Variants in BEND4 observed in about 807,000 individuals in gnomAD.
The protein encoded by BEND4 is BEN domain containing 4.
BEND4 carries 27 observed loss-of-function variants against 54.7 expected under a neutral mutation model. That is an observed-to-expected ratio of 0.49 (90% CI 0.36 to 0.68). The LOEUF (loss-of-function observed/expected upper bound fraction) is 0.68, where lower values mean the gene tolerates loss of function less well. BEND4 is among the 30% of genes least tolerant of loss of function. The pLI is 0.00. For missense variants in BEND4, 702 were observed against 697.2 expected (o/e 1.01, Z -0.08); for synonymous variants, 327 against 299.5 (o/e 1.09, Z -0.95).
intron 3 of BEND4, among the ~76,000 whole-genome samples, chr4:42,128,258 C>T (rs1720361318): frequency 1.3e-5 from 2 of 152,204 alleles, no homozygotes; most frequent in Non-Finnish European, 2.9e-5. Flanking sequence ...TGTGCAAAAG[C>T]TGGAAGCGTT....
chr4:42,138,521 C>T (rs1005531797), intron 3 of BEND4, among the ~76,000 whole-genome samples: 1 of 152,118 alleles, frequency 6.6e-6, no homozygotes, highest in Non-Finnish European at 1.5e-5. Context: ...ATGAGGAATA[C>T]ACGTGACAAA....
intron 3 of BEND4, among the ~76,000 whole-genome samples, chr4:42,136,729 G>A (rs1577760198): frequency 6.6e-6 from 1 of 152,198 alleles, no homozygotes; most frequent in African/African-American, 2.4e-5. Context: ...CCCAGTTGTA[G>A]CACTGAAGTG....
At chr4:42,127,962 A>G (rs1237343009) in intron 3 of BEND4, among the ~76,000 whole-genome samples, 1 of 152,052 alleles carries the variant, frequency 6.6e-6, no homozygotes, top group Non-Finnish European at 1.5e-5. Flanking sequence ...CAGGAGATTG[A>G]GACTAGCCTC....
chr4:42,142,172 C>T (rs1268857951), intron 3 of BEND4, among the ~76,000 whole-genome samples: 2 of 150,908 alleles, frequency 1.3e-5, no homozygotes, highest in African/African-American at 4.9e-5. Flanking sequence ...TCCCAAAGTG[C>T]TGGGATTACA....
Position 42,143,589 on chromosome 4 carries a change from G to A in BEND4, c.893C>T (p.Thr298Met), listed in dbSNP as rs1386784441. The A allele has an allele frequency of 1.4e-5, 23 of 1,589,542 alleles. No individual in the cohort carries two copies. The highest frequency in any genetic ancestry group is 1.6e-5 in the Non-Finnish European group (19 of 1,167,774). Residue 298 changes from threonine (T) to methionine (M), a missense_variant, in exon 3 of 6, where the codon ACG becomes ATG. By Grantham distance (81) the Thr-to-Met change is moderately conservative. Coordinates refer to ENST00000502486, the MANE Select transcript of BEND4 (RefSeq NM_207406.4). ...AGATGGGTGGCCATGGGATTCGGAC[G>A]TTGCTGGGGAAGTCCAGCCACCTAA... The part of the protein sequence containing the change: ...HTLGGWTSPA[T>M]SESHGHPSSS...
At chr4:42,149,861 A>G (rs1721201174) in intron 2 of BEND4, among the ~76,000 whole-genome samples, 1 of 152,196 alleles carries the variant, frequency 6.6e-6, no homozygotes. Flanking sequence ...AAAACTATGG[A>G]TGAAAATGGA....
rs901459706 is a variant in BEND4, at chr4:42,152,198, G to A, written c.-55C>T. On this transcript the variant is annotated 5_prime_UTR_variant, in exon 2 of 6. Transcript: ENST00000502486. ...ACGTCCCCTCCCCGCCGGGCGCCGG[G>A]CTCCGAGGGTGCCTCCGCCGCCTGC... 3.9e-5 allele frequency: 48 copies of A among 1,233,118 alleles called. No homozygotes were observed. Among genetic ancestry groups the A allele is most frequent in the Non-Finnish European group, 3.0e-5 (29 of 981,434 alleles). The allele number at this position is 1,233,118 out of a possible 1,614,324, so 76.4% of individuals were successfully genotyped here.
At chr4:42,148,105 A>C (rs1721141041) in intron 2 of BEND4, among the ~76,000 whole-genome samples, 1 of 152,114 alleles carries the variant, frequency 6.6e-6, no homozygotes, top group African/African-American at 2.4e-5. Flanking sequence ...ACGATTTCTA[A>C]CTAGTTCAAA....
In BEND4 at chr4:42,112,618, T is replaced by C. The variant is rs1719618387; in HGVS notation, c.*4900A>G. Reference sequence around the variant, plus strand: ...CCATTACTGCAAATACTTGGTAATTTAGTGCCTTCAGAAGTCAAATTAACC... The same window carrying C: ...CCATTACTGCAAATACTTGGTAATTCAGTGCCTTCAGAAGTCAAATTAACC... On this transcript the variant is annotated 3_prime_UTR_variant, in exon 6 of 6. Coordinates refer to ENST00000502486, the MANE Select transcript of BEND4 (RefSeq NM_207406.4). The C allele has an allele frequency of 6.6e-6, 1 of 152,206 alleles. No homozygotes were observed. Among genetic ancestry groups the C allele is most frequent in the Non-Finnish European group, 1.5e-5 (1 of 68,044 alleles). 9.4% of individuals were successfully genotyped at this position (152,206 alleles called of 1,614,324 possible).
intron 4 of BEND4, among the ~76,000 whole-genome samples, chr4:42,125,248 G>C (rs894837928): frequency 3.3e-5 from 5 of 152,196 alleles, no homozygotes; most frequent in African/African-American, 1.2e-4. Context: ...CCCAGAGTGA[G>C]GGGCATGTGG....
At chr4:42,150,593 TA>T (rs1721233569) in intron 2 of BEND4, among the ~76,000 whole-genome samples, 1 of 152,222 alleles carries the variant, frequency 6.6e-6, no homozygotes, top group African/African-American at 2.4e-5. Context: ...CAAAGTGCCA[TA>T]AAAGGCCTTG....
At position 42,151,761 on chromosome 4, in the gene BEND4, G is replaced by C. The variant is rs775573224; in HGVS notation, c.383C>G (p.Ser128Trp). 1.3e-6 allele frequency: 2 copies of C among 1,498,912 alleles called. No homozygotes were observed. Among genetic ancestry groups the C allele is most frequent in the Non-Finnish European group, 1.8e-6 (2 of 1,130,726 alleles). The allele number at this position is 1,498,912 out of a possible 1,614,324, so 92.9% of individuals were successfully genotyped here. Reference sequence around the variant, plus strand: ...GACGACAGCGGCGAACGAAGACGACGAGGAGGCGGCGGGGGACGCGGGCGG... The same window carrying C: ...GACGACAGCGGCGAACGAAGACGACCAGGAGGCGGCGGGGGACGCGGGCGG... ...QPPPASPAAS[S>W]SSSFAAVVRY... The change falls in exon 2 of 6, where the codon TCG becomes TGG. Residue 128 changes from serine to tryptophan, a missense_variant. Physicochemically the swap from Ser to Trp is radical, Grantham distance 177. Transcript: ENST00000502486.
Position 42,152,173 on chromosome 4 carries a change from A to G in BEND4, c.-30T>C. ...CGCCTCGGGGCCGGTCCCTCGGAGC[A>G]CGTCCCCTCCCCGCCGGGCGCCGGG... On this transcript the variant is annotated 5_prime_UTR_variant, in exon 2 of 6. Transcript: ENST00000502486. The G allele has an allele frequency of 8.1e-7, 1 of 1,237,790 alleles. No homozygotes were observed. Among genetic ancestry groups the G allele is most frequent in the Non-Finnish European group, 1.0e-6 (1 of 982,972 alleles). 76.7% of individuals were successfully genotyped at this position (1,237,790 alleles called of 1,614,324 possible).
intron 2 of BEND4, among the ~76,000 whole-genome samples, chr4:42,145,497 T>C (rs1010762998): frequency 2.0e-5 from 3 of 151,868 alleles, no homozygotes; most frequent in Non-Finnish European, 4.4e-5. Flanking sequence ...ATCGAGACCA[T>C]CCTGGCCAAC....
At chr4:42,132,129 G>T (rs1440840471) in intron 3 of BEND4, among the ~76,000 whole-genome samples, 2 of 152,232 alleles carry the variant, frequency 1.3e-5, no homozygotes, top group Non-Finnish European at 2.9e-5. Context: ...GAGGTGCATG[G>T]GCACTGAAAA....
rs1719881267 is a variant in BEND4 at position 42,117,420 on chromosome 4, C to T, written c.*98G>A. On this transcript the variant is annotated 3_prime_UTR_variant, in exon 6 of 6. Transcript: ENST00000502486. Reference sequence around the variant, plus strand: ...GCAGCTGAGAATGTGTAGACTATGGCAGAATGACAGGCTTTGGACTCTCAG... The same window carrying T: ...GCAGCTGAGAATGTGTAGACTATGGTAGAATGACAGGCTTTGGACTCTCAG... The T allele has an allele frequency of 2.4e-6, 2 of 828,280 alleles. No individual in the cohort carries two copies. The highest frequency in any genetic ancestry group is 3.8e-6 in the Non-Finnish European group (2 of 522,098). 51.3% of individuals were successfully genotyped at this position (828,280 alleles called of 1,614,324 possible).
At chr4:42,138,671 A>C (rs1307486805) in intron 3 of BEND4, among the ~76,000 whole-genome samples, 2 of 152,206 alleles carry the variant, frequency 1.3e-5, no homozygotes, top group East Asian at 3.8e-4. Flanking sequence ...ATATCCTCTA[A>C]CTTCATTTTG....
rs1037705778 is a variant in BEND4 at position 42,113,517 on chromosome 4, C to A, written c.*4001G>T. Reference sequence around the variant, plus strand: ...AAGGGAGGCAACAAGCCATTGAGAGCGGCAGGGGAATGTAGGAATCATAAA... The same window carrying A: ...AAGGGAGGCAACAAGCCATTGAGAGAGGCAGGGGAATGTAGGAATCATAAA... On this transcript the variant is annotated 3_prime_UTR_variant, in exon 6 of 6. Coordinates refer to ENST00000502486, the MANE Select transcript of BEND4 (RefSeq NM_207406.4). 6.6e-6 allele frequency: 1 copy of A among 152,082 alleles called. No homozygotes were observed. The highest frequency in any genetic ancestry group is 1.9e-4 in the East Asian group (1 of 5,192). The allele number at this position is 152,082 out of a possible 1,614,324, so 9.4% of individuals were successfully genotyped here.
Position 42,151,925 on chromosome 4 carries a change from G to C in BEND4, c.219C>G (p.Ser73Arg). The change falls in exon 2 of 6, where the codon AGC becomes AGG. Residue 73 changes from serine (S) to arginine (R), a missense_variant. By Grantham distance (110) the Ser-to-Arg change is moderately radical (BLOSUM62 -1). Transcript: ENST00000502486. ...APHAAVSISS[S>R]EPPPQQFQAQ... ...CCTGGAACTGCTGCGGCGGCGGCTC[G>C]CTGCTGCTGATGGAGACGGCGGCGT... 1 of 1,254,536 alleles carries C rather than the reference G, an allele frequency of 8.0e-7. No homozygotes were observed. The highest frequency in any genetic ancestry group is 1.0e-6 in the Non-Finnish European group (1 of 1,000,534). 77.7% of individuals were successfully genotyped at this position (1,254,536 alleles called of 1,614,324 possible). A position where few individuals can be genotyped will look rare whatever the true frequency, so the allele number is the denominator to read the frequency against.
Sources: allele counts gnomAD v4.1 joint callset (sites outside exome capture counted in the v4.1 genomes callset), GRCh38; gene constraint gnomAD v4.1.1; transcripts MANE v1.5; gene names NCBI Gene and HGNC (gene_info 2026-07-23, HGNC 2026-07-21).